AUTS2: variants seen among roughly 807,000 people sequenced by gnomAD.
The protein encoded by AUTS2 is autism susceptibility gene 2 protein.
AUTS2 carries 17 observed loss-of-function variants against 112.4 expected under a neutral mutation model. That is an observed-to-expected ratio of 0.15 (90% CI 0.10 to 0.23). The LOEUF (loss-of-function observed/expected upper bound fraction) is 0.23. Among genes scored for constraint, AUTS2 ranks in the 10% least tolerant of loss-of-function variants. The pLI is 1.00. For synonymous variants in AUTS2, 751 were observed against 702.7 expected (o/e 1.07, Z -1.09); for missense variants, 1,510 against 1,701.6 (o/e 0.89, Z 1.98).
At position 70,345,362 on chromosome 7, in the gene AUTS2, A is replaced by G. The variant is rs151299627; in HGVS notation, c.661-90390A>G. On this transcript the variant is annotated intron_variant, in intron 4 of 18. Transcript: ENST00000342771. Reference sequence around the variant, plus strand: ...CGCTGGTGAAACCTCAGTGATACTTATAAGTTAACTTTCATTCCTTCAGCA... The same window carrying G: ...CGCTGGTGAAACCTCAGTGATACTTGTAAGTTAACTTTCATTCCTTCAGCA... Among the ~76,000 whole-genome samples, 208 of 152,290 alleles carry G rather than the reference A, an allele frequency of 1.4e-3. 3 individuals are homozygous for G. In the East Asian group the frequency reaches 0.025, roughly 18 times the overall value.
chr7:70,497,303 C>T (rs1344894472), intron 5 of AUTS2, among the ~76,000 whole-genome samples: 25 of 151,370 alleles, frequency 1.7e-4, no homozygotes, highest in Admixed American at 1.4e-3. Context: ...GTCACATCAG[C>T]GTCGATCACA....
At chr7:69,876,484 GTATATATATATATATA>G (rs58131271) in intron 1 of AUTS2, among the ~76,000 whole-genome samples, 1,140 of 54,152 alleles carry the variant, frequency 0.021, 100 homozygotes, top group African/African-American at 0.032. Flanking sequence ...AATATTTTGT[GTATATATATATATATA>G]TATATATATA....
intron 1 of AUTS2, among the ~76,000 whole-genome samples, chr7:69,652,423 G>A (rs1353918526): frequency 6.6e-6 from 1 of 150,768 alleles, no homozygotes; most frequent in African/African-American, 2.4e-5. Context: ...GGTGAGATGT[G>A]TAATAATAAT....
intron 2 of AUTS2, among the ~76,000 whole-genome samples, chr7:70,004,421 T>TTA (rs201088559): frequency 4.7e-4 from 12 of 25,284 alleles, no homozygotes; most frequent in African/African-American, 8.8e-4. Context: ...ATATAATATA[T>TTA]TATATATATA....
At chr7:70,560,973 A>G (rs1268412104) in intron 5 of AUTS2, among the ~76,000 whole-genome samples, 1 of 152,172 alleles carries the variant, frequency 6.6e-6, no homozygotes, top group Non-Finnish European at 1.5e-5. Flanking sequence ...AAATCATCGT[A>G]TTGGTCCTTT....
intron 5 of AUTS2, among the ~76,000 whole-genome samples, chr7:70,603,629 A>G (rs1803586092): frequency 6.6e-6 from 1 of 152,168 alleles, no homozygotes; most frequent in African/African-American, 2.4e-5. Context: ...TCAACCTCAG[A>G]TAGTATCTTC....
At chr7:70,422,194 T>C (rs180735668) in intron 4 of AUTS2, among the ~76,000 whole-genome samples, 2 of 152,334 alleles carry the variant, frequency 1.3e-5, no homozygotes, top group African/African-American at 2.4e-5. Flanking sequence ...ATATTTATAT[T>C]CCTTTAGCCA....
At chr7:69,631,656 G>A (rs1310512822) in intron 1 of AUTS2, among the ~76,000 whole-genome samples, 1 of 152,082 alleles carries the variant, frequency 6.6e-6, no homozygotes, top group Non-Finnish European at 1.5e-5. Context: ...TCTTATTTTT[G>A]TTCCATTTTA....
At chr7:70,376,454 G>C (rs911050976) in intron 4 of AUTS2, among the ~76,000 whole-genome samples, 1 of 152,000 alleles carries the variant, frequency 6.6e-6, no homozygotes, top group Non-Finnish European at 1.5e-5. Context: ...CTGTGGGTGA[G>C]ATGTGGCCGG....
At chr7:70,396,998 T>C (rs540715258) in intron 4 of AUTS2, among the ~76,000 whole-genome samples, 3 of 152,140 alleles carry the variant, frequency 2.0e-5, no homozygotes, top group Non-Finnish European at 4.4e-5. Context: ...CAACCGTGTA[T>C]AAGAGTTCCA....
chr7:70,137,286 T>C (rs1208880242), intron 4 of AUTS2, among the ~76,000 whole-genome samples: 4 of 152,206 alleles, frequency 2.6e-5, no homozygotes, highest in Non-Finnish European at 5.9e-5. Flanking sequence ...TTGGGAGCTT[T>C]TGAATAATGT....
chr7:70,723,828 C>T (rs2129551690), intron 6 of AUTS2, among the ~76,000 whole-genome samples: 2 of 151,900 alleles, frequency 1.3e-5, no homozygotes, highest in Middle Eastern at 6.8e-3. Flanking sequence ...AAATAAAGAT[C>T]AAGTATTCCT....
chr7:70,509,021 T>G (rs879393146), intron 5 of AUTS2, among the ~76,000 whole-genome samples: 4 of 152,220 alleles, frequency 2.6e-5, no homozygotes, highest in Non-Finnish European at 5.9e-5. Context: ...TTCATTATAT[T>G]TTTCCTTTCA....
At chr7:70,082,643 T>C (rs1299627531) in intron 2 of AUTS2, among the ~76,000 whole-genome samples, 1 of 152,340 alleles carries the variant, frequency 6.6e-6, no homozygotes, top group Non-Finnish European at 1.5e-5. Flanking sequence ...TCTTGAACTT[T>C]CTGTTAACAG....
At chr7:70,111,896 G>T (rs770455624) in intron 2 of AUTS2, among the ~76,000 whole-genome samples, 8 of 151,978 alleles carry the variant, frequency 5.3e-5, no homozygotes, top group Non-Finnish European at 1.2e-4. Flanking sequence ...TGTGTTAGAG[G>T]TGTATCTCAT....
At chr7:69,881,839 G>A (rs368905615) in intron 1 of AUTS2, among the ~76,000 whole-genome samples, 79 of 152,188 alleles carry the variant, frequency 5.2e-4, no homozygotes, top group African/African-American at 1.8e-3. Context: ...TACTTTCTTC[G>A]CATTATTTCT....
At chr7:70,528,292 T>TAA (rs554087848) in intron 5 of AUTS2, among the ~76,000 whole-genome samples, 1 of 144,374 alleles carries the variant, frequency 6.9e-6, no homozygotes, top group East Asian at 2.1e-4. Flanking sequence ...AAAAAAATAA[T>TAA]AAAAAAAAAA....
At chr7:69,739,228 A>G (rs1787163954) in intron 1 of AUTS2, among the ~76,000 whole-genome samples, 2 of 152,152 alleles carry the variant, frequency 1.3e-5, no homozygotes, top group Admixed American at 1.3e-4. Context: ...TAACAGAGCT[A>G]TTTACTAGGC....
chr7:69,753,878 T>C (rs568515140), intron 1 of AUTS2, among the ~76,000 whole-genome samples: 5 of 152,210 alleles, frequency 3.3e-5, no homozygotes, highest in African/African-American at 1.2e-4. Flanking sequence ...CAGCAGGCCA[T>C]GCATGGGGGC....
Sources: allele counts gnomAD v4.1 joint callset (sites outside exome capture counted in the v4.1 genomes callset), GRCh38; gene constraint gnomAD v4.1.1; transcripts MANE v1.5; gene names NCBI Gene and HGNC (gene_info 2026-07-23, HGNC 2026-07-21).